The following AVEN variants were observed in gnomAD, a reference collection of about 807,000 sequenced individuals.
AVEN encodes the protein cell death regulator Aven.
In AVEN, 41 loss-of-function variants were observed where a neutral mutation model predicts 38.1. The ratio of observed to expected loss-of-function variants is 1.08; its 90% confidence interval spans 0.84 to 1.40. The LOEUF is 1.40. AVEN is among the 40% of genes most tolerant of loss of function. AVEN has a pLI of 0.00. For missense variants in AVEN, 605 were observed against 438.8 expected, an observed-to-expected ratio of 1.38 and a Z score of -3.38; for synonymous variants, 206 against 171.8, an observed-to-expected ratio of 1.20 and a Z score of -1.56.
intron 2 of AVEN, among the ~76,000 whole-genome samples, chr15:33,981,905 G>C (rs1896165969): frequency 6.6e-6 from 1 of 152,128 alleles, no homozygotes; most frequent in South Asian, 2.1e-4. Flanking sequence ...CGCGATCTTG[G>C]CTCACTCCAA....
downstream of AVEN, among the ~76,000 whole-genome samples, chr15:33,855,186 C>G (rs1009885369): frequency 6.6e-6 from 1 of 151,504 alleles, no homozygotes; most frequent in Non-Finnish European, 1.5e-5. Flanking sequence ...ATGGACATGT[C>G]AGAATGACCT....
chr15:33,870,525 TA>T (rs1890898868), intron 4 of AVEN, among the ~76,000 whole-genome samples: 1 of 152,194 alleles, frequency 6.6e-6, no homozygotes, highest in African/African-American at 2.4e-5. Flanking sequence ...CAGGATGTAT[TA>T]CAATTTGTAT....
upstream of AVEN, among the ~76,000 whole-genome samples, chr15:34,075,181 CAAAAAAAAA>C (rs58860397): frequency 1.5e-5 from 1 of 67,294 alleles, no homozygotes; most frequent in Non-Finnish European, 3.0e-5. Flanking sequence ...GACTCTGGCT[CAAAAAAAAA>C]AAAAAAAAAA....
chr15:34,056,958 G>A (rs953102587), intron 5 of AVEN, among the ~76,000 whole-genome samples: 3 of 152,088 alleles, frequency 2.0e-5, no homozygotes, highest in African/African-American at 7.2e-5. Context: ...GGGATCCCTT[G>A]AGCCCAAGAG....
intron 2 of AVEN, among the ~76,000 whole-genome samples, chr15:34,002,012 G>A (rs1352030165): frequency 1.3e-5 from 2 of 152,144 alleles, no homozygotes; most frequent in Non-Finnish European, 2.9e-5. Context: ...CGTAATTGCA[G>A]ATTCACACAC....
chr15:34,044,929 T>A (rs1388065654), intron 5 of AVEN, among the ~76,000 whole-genome samples: 1 of 152,138 alleles, frequency 6.6e-6, no homozygotes, highest in Admixed American at 6.5e-5. Context: ...GTGCCTGTAG[T>A]CCCAGCTACT....
chr15:34,001,748 T>C (rs1897146555), intron 2 of AVEN, among the ~76,000 whole-genome samples: 1 of 152,198 alleles, frequency 6.6e-6, no homozygotes, highest in Non-Finnish European at 1.5e-5. Context: ...AATTTTATGA[T>C]CTACTTCTTT....
rs117459218 is a variant in AVEN at position 34,002,831 on chromosome 15, C to T, written c.445+201G>A. Among the ~76,000 whole-genome samples, 8 of 152,290 alleles carry T rather than the reference C, an allele frequency of 5.3e-5. No homozygotes were observed. In the East Asian group the frequency reaches 7.7e-4, roughly 15 times the overall value. ...CGCAAAGACTTTAGTCATTCTACAT[C>T]GGTACATGGAAACCCTTACTTCCAC... On this transcript the variant is annotated intron_variant, in intron 2 of 5. Coordinates refer to ENST00000306730, the MANE Select transcript of AVEN (RefSeq NM_020371.3).
At chr15:33,917,352 G>C (rs894147131) in intron 2 of AVEN, among the ~76,000 whole-genome samples, 5 of 5,856 alleles carry the variant, frequency 8.5e-4, no homozygotes, top group African/African-American at 7.3e-3. Flanking sequence ...AGAAAATGTG[G>C]TGTGTGTGTG....
chr15:34,003,842 C>T (rs545239382), intron 1 of AVEN, among the ~76,000 whole-genome samples: 88 of 152,290 alleles, frequency 5.8e-4, no homozygotes, highest in African/African-American at 2.1e-3. Context: ...TTATTAACAA[C>T]TTGAGTTTGA....
chr15:33,978,944 A>T (rs1428106468), intron 2 of AVEN, among the ~76,000 whole-genome samples: 1 of 151,920 alleles, frequency 6.6e-6, no homozygotes, highest in Non-Finnish European at 1.5e-5. Context: ...AAAAGTAAGG[A>T]GTAGGGGTAG....
At chr15:34,050,827 A>G (rs535622091) in intron 5 of AVEN, among the ~76,000 whole-genome samples, 1 of 152,216 alleles carries the variant, frequency 6.6e-6, no homozygotes, top group Non-Finnish European at 1.5e-5. Flanking sequence ...TGCACCCAAT[A>G]CAGGAGCACC....
Position 33,951,592 on chromosome 15 carries a change from C to CA in AVEN, c.445+51439dup, listed in dbSNP as rs1238139563. Among the ~76,000 whole-genome samples the CA allele has an allele frequency of 6.5e-3, 933 of 143,676 alleles. 5 individuals carry two copies. The highest frequency in any genetic ancestry group is 0.021 in the African/African-American group (829 of 39,398). 94.3% of individuals were successfully genotyped at this position (143,676 alleles called of 152,430 possible). On this transcript the variant is annotated intron_variant, in intron 2 of 5. Transcript: ENST00000306730. ...AAAAAAAAAGATGCAATTTGCCATC[C>CA]AAAAAAAAAAAATTCCTTCTTTCAT...
At chr15:34,000,921 G>C (rs1897113591) in intron 2 of AVEN, among the ~76,000 whole-genome samples, 1 of 151,956 alleles carries the variant, frequency 6.6e-6, no homozygotes, top group Non-Finnish European at 1.5e-5. Context: ...AAATACATGA[G>C]AGACTCAATC....
chr15:33,988,138 C>T (rs1440523210), intron 2 of AVEN, among the ~76,000 whole-genome samples: 2 of 152,236 alleles, frequency 1.3e-5, no homozygotes, highest in South Asian at 4.1e-4. Context: ...CTTAACCAAC[C>T]ACAAACCTTC....
At chr15:33,860,456 A>AAC (rs1887762977) in intron 11 of AVEN, 1 of 546,006 alleles carries the variant, frequency 1.8e-6, no homozygotes, top group Non-Finnish European at 3.2e-6. Context: ...AACACAAAGA[A>AAC]ACACGAGTAT....
intron 2 of AVEN, among the ~76,000 whole-genome samples, chr15:33,990,242 C>T (rs934165159): frequency 6.6e-6 from 1 of 151,514 alleles, no homozygotes; most frequent in Middle Eastern, 3.2e-3. Context: ...CTTAGCCAGG[C>T]GTTGAGGTGC....
intron 2 of AVEN, among the ~76,000 whole-genome samples, chr15:33,881,738 T>A (rs1462257691): frequency 6.6e-6 from 1 of 152,226 alleles, no homozygotes; most frequent in Non-Finnish European, 1.5e-5. Flanking sequence ...CATATGGACA[T>A]GCATGGACAA....
rs1475248538 is a variant in AVEN at position 33,866,586 on chromosome 15, TTGCTTCAG to T, written c.*19_*26del. On this transcript the variant is annotated 3_prime_UTR_variant, in exon 6 of 6. Coordinates refer to ENST00000306730, the MANE Select transcript of AVEN (RefSeq NM_020371.3). The stretch of plus-strand genomic sequence containing the variant: ...CCTGCCGTTAGAAGGCAACCAAGAT[TTGCTTCAG>T]GCACTTTTTTTCCCCTTTTTAGGAA... 6.3e-7 allele frequency: 1 copy of T among 1,580,542 alleles called. No homozygotes were observed. The highest frequency in any genetic ancestry group is 1.7e-5 in the Admixed American group (1 of 59,620).
Sources: allele counts gnomAD v4.1 joint callset (sites outside exome capture counted in the v4.1 genomes callset), GRCh38; gene constraint gnomAD v4.1.1; transcripts MANE v1.5; gene names NCBI Gene and HGNC (gene_info 2026-07-23, HGNC 2026-07-21).